The following ZDHHC18 variants were observed in gnomAD, a reference collection of about 807,000 sequenced individuals.
ZDHHC18 encodes the protein palmitoyltransferase ZDHHC18.
Under a neutral mutation model 37.5 loss-of-function variants are expected in ZDHHC18, and 23 were observed. The observed-to-expected ratio is 0.61, with a 90% CI of 0.44 to 0.87. The LOEUF (loss-of-function observed/expected upper bound fraction) is 0.87. Ranked by LOEUF, ZDHHC18 falls within the 40% of genes least tolerant of loss-of-function variation. The pLI is 0.00. For missense variants in ZDHHC18, 406 were observed against 525.6 expected, an observed-to-expected ratio of 0.77 and a Z score of 2.22; for synonymous variants, 185 against 218.7, an observed-to-expected ratio of 0.85 and a Z score of 1.36.
At chr1:26,841,424 A>G (rs1459072634) in intron 2 of ZDHHC18, among the ~76,000 whole-genome samples, 3 of 152,198 alleles carry the variant, frequency 2.0e-5, no homozygotes, top group Non-Finnish European at 4.4e-5. Context: ...ATGAGCCACT[A>G]TGCTTGGCCT....
chr1:26,836,501 T>C (rs961365320), intron 2 of ZDHHC18, among the ~76,000 whole-genome samples: 3 of 152,160 alleles, frequency 2.0e-5, no homozygotes, highest in East Asian at 3.8e-4. Flanking sequence ...ATCAGTGATA[T>C]GAGTCCAGCC....
rs1239086703 is a variant in ZDHHC18 at position 26,850,830 on chromosome 1, T to C, written c.833+224T>C. Among the ~76,000 whole-genome samples, 1 of 152,168 alleles carries C rather than the reference T, an allele frequency of 6.6e-6. No individual in the cohort carries two copies. The highest frequency in any genetic ancestry group is 1.5e-5 in the Non-Finnish European group (1 of 68,030). ...GTCTTCAGGGGCCTGGAAAAGAGTA[T>C]GTCCCTTAAGATGCCAAGCTCCCTG... On this transcript the variant is annotated intron_variant, in intron 5 of 7. Transcript: ENST00000374142. This position sits in a 1 kb window ranked among gnomAD's most constrained non-coding sequence, Gnocchi z 6.1.
At position 26,848,726 on chromosome 1, in the gene ZDHHC18, C is replaced by G. The variant is rs531022368; in HGVS notation, c.615C>G (p.Thr205=). 1.9e-6 allele frequency: 3 copies of G among 1,614,012 alleles called. No homozygotes were observed. The highest frequency in any genetic ancestry group is 2.5e-6 in the Non-Finnish European group (3 of 1,179,888). The change falls in exon 3 of 8, where the codon ACC becomes ACG. Residue 205 remains threonine (T), a synonymous_variant. Coordinates refer to ENST00000374142, the MANE Select transcript of ZDHHC18 (RefSeq NM_032283.3). ...GCAAGATGTTCCGGCCACCCCGAAC[C>G]TCACACTGCAGTGTCTGCGACAACT... ...FTCKMFRPPR[T]SHCSVCDNCV...
rs978515876 is a variant in ZDHHC18 at position 26,854,733 on chromosome 1, TGTC to T, written c.*891_*893del. The T allele has an allele frequency of 6.6e-6, 1 of 152,630 alleles. No individual in the cohort carries two copies. Among genetic ancestry groups the T allele is most frequent in the African/African-American group, 2.4e-5 (1 of 41,438 alleles). 9.5% of individuals were successfully genotyped at this position (152,630 alleles called of 1,614,324 possible). A position where few individuals can be genotyped will look rare whatever the true frequency, so the allele number is the denominator to read the frequency against. On this transcript the variant is annotated 3_prime_UTR_variant, in exon 8 of 8. Transcript: ENST00000374142. This position sits in a 1 kb window ranked among gnomAD's most constrained non-coding sequence, Gnocchi z 4.6. ...GTCTTTTTTAAATGGAAGGAGAAAA[TGTC>T]AGCCACATTACTGTCTGTGTAGTGC... is the stretch of plus-strand genomic sequence containing the variant.
At chr1:26,852,731 T>C in intron 6 of ZDHHC18, 22 bp from the exon 7 acceptor site, 1 of 1,608,906 alleles carries the variant, frequency 6.2e-7, no homozygotes, top group Non-Finnish European at 8.5e-7. Context: ...GTACTTGACC[T>C]AGGCCTCCTT....
chr1:26,850,469 G>A lies in ZDHHC18; in HGVS notation c.784+31G>A. The A allele has an allele frequency of 1.2e-6, 2 of 1,614,236 alleles. No homozygotes were observed. The highest frequency in any genetic ancestry group is 1.7e-6 in the Non-Finnish European group (2 of 1,180,026). On this transcript the variant is annotated intron_variant, in intron 4 of 7. Transcript: ENST00000374142. The surrounding 1 kb of genome is among the most constrained non-coding windows in gnomAD (Gnocchi z 6.1). ...TTGTGGGTGAGGGCAGTGGGGAGTGGAAGGGGTCAGCCAGCAAGCTCAAGG... is the reference window on the plus strand; with the variant it reads ...TTGTGGGTGAGGGCAGTGGGGAGTGAAAGGGGTCAGCCAGCAAGCTCAAGG...
rs1020443808 is a variant in ZDHHC18, at chr1:26,854,113, A to C, written c.*270A>C. On this transcript the variant is annotated 3_prime_UTR_variant, in exon 8 of 8. Transcript: ENST00000374142. The surrounding 1 kb of genome is among the most constrained non-coding windows in gnomAD (Gnocchi z 4.6). ...CTCTGGAGGCTACCCAGGGGACCAC[A>C]CCAAGTCCTTGCCTGTGCCGGGCGA... The C allele has an allele frequency of 5.8e-5, 26 of 447,396 alleles. No individual in the cohort carries two copies. Among genetic ancestry groups the C allele is most frequent in the Non-Finnish European group, 4.1e-5 (10 of 244,084 alleles). 27.7% of individuals were successfully genotyped at this position (447,396 alleles called of 1,614,324 possible).
chr1:26,848,619 A>T lies in ZDHHC18; in HGVS notation c.508A>T (p.Ser170Cys). ...CCTCCTTCCCTCAGACAACACAGGC[A>T]GTTCTACATACCGGCCACCCCCTCG... ...ALEKQIDNTG[S>C]STYRPPPRTR... The change falls in exon 3 of 8, where the codon AGT (serine) becomes TGT (cysteine). Residue 170 changes from serine to cysteine, a missense_variant. By Grantham distance (112) the Ser-to-Cys change is moderately radical. Coordinates refer to ENST00000374142, the MANE Select transcript of ZDHHC18 (RefSeq NM_032283.3). 1 of 1,612,328 alleles carries T rather than the reference A, an allele frequency of 6.2e-7. No homozygotes were observed. The highest frequency in any genetic ancestry group is 1.1e-5 in the South Asian group (1 of 91,062).
chr1:26,843,244 G>A (rs2081647499), intron 2 of ZDHHC18, among the ~76,000 whole-genome samples: 1 of 149,986 alleles, frequency 6.7e-6, no homozygotes, highest in Non-Finnish European at 1.5e-5. Context: ...CCGAGTTCAA[G>A]CAATTCTCCT....
chr1:26,851,640 C>T lies in ZDHHC18; in HGVS notation c.936+409C>T, dbSNP rs138214134. 1.4e-4 allele frequency among the ~76,000 whole-genome samples: 21 copies of T among 152,366 alleles called. No individual in the cohort carries two copies. In the East Asian group the frequency reaches 1.7e-3, roughly 13 times the overall value. ...TTTTCCCCATTCGATGACTGAGAGA[C>T]ATGTCCCATGTCTGAGAGGTCACAC... On this transcript the variant is annotated intron_variant, in intron 6 of 7. Coordinates refer to ENST00000374142, the MANE Select transcript of ZDHHC18 (RefSeq NM_032283.3).
intron 3 of ZDHHC18, 148 bp downstream of exon 3, chr1:26,848,905 G>T: frequency 8.3e-7 from 1 of 1,206,186 alleles, no homozygotes; most frequent in Admixed American, 2.3e-5. Flanking sequence ...GATTTGCCCT[G>T]ACTCAGGAGG....
chr1:26,844,031 A>C (rs1392330918), intron 2 of ZDHHC18, among the ~76,000 whole-genome samples: 1 of 151,944 alleles, frequency 6.6e-6, no homozygotes, highest in Admixed American at 6.6e-5. Flanking sequence ...TCCTCACTTT[A>C]CACAATTTGT....
At chr1:26,849,619 ACTTT>A (rs2081691213) in intron 3 of ZDHHC18, among the ~76,000 whole-genome samples, 1 of 152,342 alleles carries the variant, frequency 6.6e-6, no homozygotes, top group Non-Finnish European at 1.5e-5. Flanking sequence ...TCCCACAAGG[ACTTT>A]CTTTACCAGT....
chr1:26,853,846 A>G lies in ZDHHC18; in HGVS notation c.*3A>G, dbSNP rs770006191. On this transcript the variant is annotated 3_prime_UTR_variant, in exon 8 of 8. Transcript: ENST00000374142. ...GCATGGTAGGAGGCCACCCCTGACC[A>G]CGGCTCAGTACTTGCCACCTGCTGG... 69 of 1,612,740 alleles carry G rather than the reference A, an allele frequency of 4.3e-5. 1 individual carries two copies. In the Admixed American group the frequency reaches 1.2e-3, roughly 27 times the overall value.
intron 2 of ZDHHC18, among the ~76,000 whole-genome samples, chr1:26,846,308 A>ATTTTTTTTTTTTTTTTTTTTTTTTT: frequency 1.7e-5 from 1 of 58,526 alleles, no homozygotes; most frequent in Non-Finnish European, 3.0e-5. Flanking sequence ...ATATATATAT[A>ATTTTTTTTTTTTTTTTTTTTTTTTT]TATTTTTTTT....
At chr1:26,846,104 GTGTGTGTGTATATATATA>G (rs200397172) in intron 2 of ZDHHC18, among the ~76,000 whole-genome samples, 7,971 of 148,682 alleles carry the variant, frequency 0.054, 284 homozygotes, top group Non-Finnish European at 0.079. Flanking sequence ...AATTTCTTTT[GTGTGTGTGTATATATATA>G]TGTGTGTGTA....
chr1:26,843,498 A>G (rs2081648608), intron 2 of ZDHHC18, among the ~76,000 whole-genome samples: 2 of 151,130 alleles, frequency 1.3e-5, no homozygotes, highest in South Asian at 4.2e-4. Flanking sequence ...TCAAAAGTAT[A>G]CAAGTTGTGG....
intron 2 of ZDHHC18, among the ~76,000 whole-genome samples, chr1:26,845,240 A>C (rs971861583): frequency 6.7e-6 from 1 of 148,180 alleles, no homozygotes; most frequent in African/African-American, 2.5e-5. Flanking sequence ...CATATTCTTC[A>C]TACAAGTCCT....
intron 2 of ZDHHC18, among the ~76,000 whole-genome samples, chr1:26,840,970 C>T (rs1355213620): frequency 1.4e-5 from 2 of 140,452 alleles, no homozygotes; most frequent in African/African-American, 5.5e-5. Flanking sequence ...ATGCCACATA[C>T]AGCTAATTTT....
Sources: allele counts gnomAD v4.1 joint callset (sites outside exome capture counted in the v4.1 genomes callset), GRCh38; gene constraint gnomAD v4.1.1; non-coding constraint Gnocchi (gnomAD v3.1); transcripts MANE v1.5; gene names NCBI Gene and HGNC (gene_info 2026-07-23, HGNC 2026-07-21).